Variants in KCNT2 observed in about 807,000 individuals in gnomAD.
KCNT2 encodes potassium sodium-activated channel subfamily T member 2.
A neutral mutation model predicts 153.8 loss-of-function variants in KCNT2; 67 were observed. The observed-to-expected ratio is 0.44, with a 90% CI of 0.36 to 0.53. KCNT2 has a LOEUF of 0.53. Among genes scored for constraint, KCNT2 ranks in the 20% least tolerant of loss-of-function variants. The pLI, the probability that KCNT2 is intolerant of heterozygous loss-of-function variation, is 0.00. For missense variants in KCNT2, 975 were observed against 1,354.8 expected (o/e 0.72, Z 4.40); for synonymous variants, 500 against 458.8 (o/e 1.09, Z -1.15).
At chr1:196,355,943 G>A (rs934892994) in intron 14 of KCNT2, among the ~76,000 whole-genome samples, 1 of 151,742 alleles carries the variant, frequency 6.6e-6, no homozygotes, top group African/African-American at 2.4e-5. Context: ...TTCTATTCAA[G>A]TGCTTCATGC....
At chr1:196,570,976 T>C (rs1316195116) in intron 1 of KCNT2, among the ~76,000 whole-genome samples, 1 of 152,106 alleles carries the variant, frequency 6.6e-6, no homozygotes, top group Admixed American at 6.6e-5. Context: ...CCTGGCCTAC[T>C]CCTACCACAC....
intron 14 of KCNT2, among the ~76,000 whole-genome samples, chr1:196,365,114 G>A (rs1028659301): frequency 6.6e-6 from 1 of 151,812 alleles, no homozygotes; most frequent in Admixed American, 6.6e-5. Flanking sequence ...TCAAAATAAC[G>A]TTATTTCAAA....
At chr1:196,581,082 T>A (rs1169629673) in intron 1 of KCNT2, among the ~76,000 whole-genome samples, 3 of 152,158 alleles carry the variant, frequency 2.0e-5, no homozygotes, top group Non-Finnish European at 4.4e-5. Context: ...ACGTACAGTT[T>A]TTTTTTCAGA....
At chr1:196,381,324 A>T (rs1669471873) in intron 13 of KCNT2, among the ~76,000 whole-genome samples, 1 of 151,986 alleles carries the variant, frequency 6.6e-6, no homozygotes, top group African/African-American at 2.4e-5. Context: ...TTTTTGAAAA[A>T]TTATTTTCCT....
chr1:196,370,995 G>A (rs1668480218), intron 14 of KCNT2, among the ~76,000 whole-genome samples: 1 of 151,912 alleles, frequency 6.6e-6, no homozygotes, highest in Admixed American at 6.6e-5. Flanking sequence ...ATGCACCCAA[G>A]TAACCAACAT....
Position 196,258,350 on chromosome 1 carries a change from G to T in KCNT2, c.3055C>A (p.Arg1019=). 1.2e-6 allele frequency: 2 copies of T among 1,613,788 alleles called. No homozygotes were observed. Among genetic ancestry groups the T allele is most frequent in the Admixed American group, 3.3e-5 (2 of 59,964 alleles). The change falls in exon 26 of 28, where the codon CGA becomes AGA. Residue 1019 remains arginine, a synonymous_variant. Transcript: ENST00000294725. ...TTTGGGCCTTTTCTGCTCAGTCTTC[G>T]GGCCCACTGCATGCTTTTTCTCCGC... ...LLRRKSMQWA[R]RLSRKGPKHS...
At chr1:196,565,238 A>G (rs1195081403) in intron 1 of KCNT2, among the ~76,000 whole-genome samples, 1 of 151,952 alleles carries the variant, frequency 6.6e-6, no homozygotes, top group Non-Finnish European at 1.5e-5. Context: ...TAAAACCACA[A>G]TGAGATATCA....
chr1:196,592,324 A>G (rs1663463370), intron 1 of KCNT2, among the ~76,000 whole-genome samples: 1 of 151,726 alleles, frequency 6.6e-6, no homozygotes, highest in South Asian at 2.1e-4. Flanking sequence ...ATGGAGACAG[A>G]AAGTAGAAGA....
chr1:196,258,190 A>G lies in KCNT2; in HGVS notation c.3211+4T>C, dbSNP rs777567218. 2 of 1,613,196 alleles carry G rather than the reference A, an allele frequency of 1.2e-6. No individual in the cohort carries two copies. Among genetic ancestry groups the G allele is most frequent in the Admixed American group, 1.7e-5 (1 of 59,928 alleles). On this transcript the variant is annotated splice_donor_region_variant and intron_variant, in intron 26 of 27. Transcript: ENST00000294725. ...ATATATACAGTAGTTTTTAAAGAGC[A>G]TACCATATCCCACTGTAGAAAGACC... is the stretch of plus-strand genomic sequence containing the variant.
chr1:196,304,944 A>G (rs924367945), intron 22 of KCNT2, among the ~76,000 whole-genome samples: 2 of 152,188 alleles, frequency 1.3e-5, no homozygotes, highest in Non-Finnish European at 2.9e-5. Flanking sequence ...CATAGCAAGT[A>G]AGTGAGTATA....
chr1:196,608,206 A>G lies in KCNT2; in HGVS notation c.95+9T>C. 6.2e-7 allele frequency: 1 copy of G among 1,612,226 alleles called. No individual in the cohort carries two copies. The highest frequency in any genetic ancestry group is 8.5e-7 in the Non-Finnish European group (1 of 1,178,628). On this transcript the variant is annotated intron_variant, in intron 1 of 27. Transcript: ENST00000294725. ...TATTTACAGAACAATCCTCCACCAC[A>G]CCACTCACCTGTCGTCGTTTTGCCA...
intron 1 of KCNT2, among the ~76,000 whole-genome samples, chr1:196,521,443 C>T (rs946379088): frequency 6.6e-6 from 1 of 152,174 alleles, no homozygotes; most frequent in African/African-American, 2.4e-5. Flanking sequence ...AATCCCATTA[C>T]TGGGTGTATA....
chr1:196,384,123 T>A (rs1669744505), intron 13 of KCNT2, among the ~76,000 whole-genome samples: 1 of 152,142 alleles, frequency 6.6e-6, no homozygotes, highest in Admixed American at 6.6e-5. Flanking sequence ...CATATGTATA[T>A]CAAATCATCA....
At chr1:196,258,597 A>G (rs1002966483) in intron 25 of KCNT2, 103 bp from the exon 26 acceptor site, 12 of 953,208 alleles carry the variant, frequency 1.3e-5, no homozygotes, top group Non-Finnish European at 1.6e-5. Flanking sequence ...ATTTCTACTC[A>G]GGAGAGTTTT....
rs369976442 is a variant in KCNT2 at position 196,464,490 on chromosome 1, T to G, written c.638+803A>C. Among the ~76,000 whole-genome samples, 4 of 152,052 alleles carry G rather than the reference T, an allele frequency of 2.6e-5. No individual in the cohort carries two copies. The East Asian group carries it at 7.8e-4, about 30-fold the overall frequency. On this transcript the variant is annotated intron_variant, in intron 8 of 27. Transcript: ENST00000294725. ...ATACATGTATAGCCATATTTATACC[T>G]AGCTCAGTTGTACTAGTGTATGTGT...
At chr1:196,573,394 T>C (rs1660997466) in intron 1 of KCNT2, among the ~76,000 whole-genome samples, 1 of 152,100 alleles carries the variant, frequency 6.6e-6, no homozygotes, top group South Asian at 2.1e-4. Context: ...TCTTTTGATA[T>C]GCTTATTTAT....
At chr1:196,251,997 C>T (rs1320256732) in intron 26 of KCNT2, among the ~76,000 whole-genome samples, 1 of 151,610 alleles carries the variant, frequency 6.6e-6, no homozygotes, top group Non-Finnish European at 1.5e-5. Flanking sequence ...TTCTTTAATG[C>T]CACCTGATGA....
At chr1:196,377,104 C>A (rs894832585) in intron 13 of KCNT2, among the ~76,000 whole-genome samples, 1 of 151,798 alleles carries the variant, frequency 6.6e-6, no homozygotes, top group South Asian at 2.1e-4. Flanking sequence ...AGAGGAGTGA[C>A]GTTTATTGGT....
intron 1 of KCNT2, among the ~76,000 whole-genome samples, chr1:196,605,933 T>A (rs989665253): frequency 2.0e-5 from 3 of 152,182 alleles, no homozygotes; most frequent in African/African-American, 7.2e-5. Flanking sequence ...TCTTGAGGGA[T>A]TTGAATAATA....
Sources: gnomAD v4.1 joint callset for allele counts (sites outside exome capture counted in the v4.1 genomes callset) on GRCh38, gnomAD v4.1.1 for gene constraint, MANE v1.5 for transcripts, NCBI Gene and HGNC (gene_info 2026-07-23, HGNC 2026-07-21) for gene names.